Variants in MAX observed in about 807,000 individuals in gnomAD.
MAX encodes MYC associated transcriptional regulator X, also known as protein max.
A neutral mutation model predicts 22.3 loss-of-function variants in MAX; 3 were observed. The observed-to-expected ratio is 0.13, with a 90% confidence interval of 0.06 to 0.35. The LOEUF (loss-of-function observed/expected upper bound fraction) is 0.35. Among genes scored for constraint, MAX ranks in the 10% least tolerant of loss-of-function variants. MAX has a pLI of 1.00. For missense variants in MAX, 119 were observed against 209.4 expected (o/e 0.57, Z 2.66); for synonymous variants, 72 against 77.7 (o/e 0.93, Z 0.39).
chr14:65,012,863 C>T lies in MAX; in HGVS notation c.172-6579G>A, dbSNP rs2061705648. Among the ~76,000 whole-genome samples the T allele has an allele frequency of 6.6e-6, 1 of 152,166 alleles. No individual in the cohort carries two copies. Among genetic ancestry groups the T allele is most frequent in the African/African-American group, 2.4e-5 (1 of 41,440 alleles). ...ACTTTTCATATCTTCATTAAAGAGA[C>T]AAAAAACCCTTTCTTGTAATAAGAT... On this transcript the variant is annotated intron_variant, in intron 3 of 3. Transcript: ENST00000341653. The surrounding 1 kb of genome is among the most constrained non-coding windows in gnomAD (Gnocchi z 5.0).
chr14:65,033,130 T>G (rs1411619322), intron 3 of MAX, among the ~76,000 whole-genome samples: 2 of 152,058 alleles, frequency 1.3e-5, no homozygotes, highest in South Asian at 2.1e-4. Context: ...GATGGGTAAG[T>G]GTGGTATAGT....
chr14:65,044,000 T>C (rs2062418939), intron 3 of MAX, among the ~76,000 whole-genome samples: 1 of 152,198 alleles, frequency 6.6e-6, no homozygotes. Flanking sequence ...AAGGTCTCCT[T>C]ACAAACCAGC....
chr14:65,075,048 T>C (rs1023526097), downstream of MAX: 6 of 1,009,114 alleles, frequency 5.9e-6, no homozygotes, highest in Admixed American at 3.6e-4. The surrounding 1 kb of genome is among the most constrained non-coding windows in gnomAD (Gnocchi z 4.1). Context: ...AGACTTACAT[T>C]GAGGCCCTAA....
rs997670059 is a variant in MAX, at chr14:65,076,358, G to A, written c.*118C>T. 1.3e-6 allele frequency: 2 copies of A among 1,556,122 alleles called. No homozygotes were observed. Among genetic ancestry groups the A allele is most frequent in the South Asian group, 1.2e-5 (1 of 82,362 alleles). On this transcript the variant is annotated 3_prime_UTR_variant, in exon 5 of 5. Transcript: ENST00000358664. This position sits in a 1 kb window ranked among gnomAD's most constrained non-coding sequence, Gnocchi z 6.6. ...TAAAAATAAAAATTTAAAAAAAAAAGGGAGAAAGAGAAAAATAAAGAGTCT... is the reference window on the plus strand; with the variant it reads ...TAAAAATAAAAATTTAAAAAAAAAAAGGAGAAAGAGAAAAATAAAGAGTCT...
chr14:65,046,957 ACAAG>A (rs1334421627), intron 3 of MAX, among the ~76,000 whole-genome samples: 1 of 152,232 alleles, frequency 6.6e-6, no homozygotes, highest in Admixed American at 6.5e-5. Flanking sequence ...TACAAACAAA[ACAAG>A]CAAAAAGGTG....
rs2061693510 is a variant in MAX at position 65,012,172 on chromosome 14, A to G, written c.172-5888T>C. The G allele has an allele frequency of 2.2e-6, 2 of 909,988 alleles. No homozygotes were observed. The highest frequency in any genetic ancestry group is 1.7e-5 in the African/African-American group (1 of 60,006). The allele number at this position is 909,988 out of a possible 1,614,324, so 56.4% of individuals were successfully genotyped here. A position where few individuals can be genotyped will look rare whatever the true frequency, so the allele number is the denominator to read the frequency against. ...TCTGGTTTAGTTGCTCTTTGGAACC[A>G]GAGAAGTTGCTGGTTATCCAGTCAG... On this transcript the variant is annotated intron_variant, in intron 3 of 3. Transcript: ENST00000341653. The surrounding 1 kb of genome is among the most constrained non-coding windows in gnomAD (Gnocchi z 5.0).
At chr14:65,094,819 A>G (rs1205016461) in intron 2 of MAX, among the ~76,000 whole-genome samples, 3 of 152,202 alleles carry the variant, frequency 2.0e-5, no homozygotes, top group Non-Finnish European at 4.4e-5. Flanking sequence ...AGCAAGAAGA[A>G]CTTCATCACA....
At position 65,093,881 on chromosome 14, in the gene MAX, G is replaced by C; in HGVS notation, c.64-66C>G. ...CTTTTGCTTGGTACAAGGTGGGTGG[G>C]GTACAGCCTGGAAGTACACGCTGTC... is the stretch of plus-strand genomic sequence containing the variant. On this transcript the variant is annotated intron_variant, in intron 2 of 4. Transcript: ENST00000358664. This position sits in a 1 kb window ranked among gnomAD's most constrained non-coding sequence, Gnocchi z 4.4. The C allele has an allele frequency of 1.1e-6, 1 of 932,720 alleles. No individual in the cohort carries two copies. Among genetic ancestry groups the C allele is most frequent in the Non-Finnish European group, 1.8e-6 (1 of 558,304 alleles). 57.8% of individuals were successfully genotyped at this position (932,720 alleles called of 1,614,324 possible). A position where few individuals can be genotyped will look rare whatever the true frequency, so the allele number is the denominator to read the frequency against.
intron 2 of MAX, among the ~76,000 whole-genome samples, chr14:65,099,567 A>T (rs1009522267): frequency 2.0e-5 from 3 of 151,932 alleles, no homozygotes; most frequent in Non-Finnish European, 4.4e-5. Flanking sequence ...AACAAAAAAA[A>T]CACAACTTTC....
At chr14:65,081,021 T>C (rs2063186028) in intron 3 of MAX, among the ~76,000 whole-genome samples, 1 of 152,198 alleles carries the variant, frequency 6.6e-6, no homozygotes, top group South Asian at 2.1e-4. Context: ...AGGGTAATTT[T>C]TGGATGAAGA....
chr14:65,092,779 T>G (rs987772156), intron 3 of MAX, among the ~76,000 whole-genome samples: 4 of 152,242 alleles, frequency 2.6e-5, no homozygotes, highest in Admixed American at 2.0e-4. Flanking sequence ...AATTTGATCT[T>G]GGATAACCAA....
chr14:65,095,888 G>A (rs1035107527), intron 2 of MAX, among the ~76,000 whole-genome samples: 1 of 152,200 alleles, frequency 6.6e-6, no homozygotes, highest in African/African-American at 2.4e-5. Flanking sequence ...GAATGAAGTT[G>A]CACTTGGTTT....
rs757073842 is a variant in MAX, at chr14:65,027,412, T to G, written c.172-21128A>C. The G allele has an allele frequency of 2.5e-6, 4 of 1,608,828 alleles. No homozygotes were observed. Among genetic ancestry groups the G allele is most frequent in the South Asian group, 2.2e-5 (2 of 90,446 alleles). On this transcript the variant is annotated intron_variant, in intron 3 of 3. Transcript: ENST00000341653. The surrounding 1 kb of genome is among the most constrained non-coding windows in gnomAD (Gnocchi z 5.7). The stretch of plus-strand genomic sequence containing the variant: ...TGGGAATTTGGTGTTTTGACATGAA[T>G]GCTCTCTGACTTTGTTTTTGCCCTT...
rs1595144103 is a variant in MAX, at chr14:65,084,709, A to G, written c.172-6673T>C. ...AAAGAAACATGCCTAATGACTAAAC[A>G]TGAGCACACTGTATGACCTAGCGAA... On this transcript the variant is annotated intron_variant, in intron 3 of 4. Transcript: ENST00000358664. The surrounding 1 kb of genome is among the most constrained non-coding windows in gnomAD (Gnocchi z 4.3). Among the ~76,000 whole-genome samples the G allele has an allele frequency of 6.6e-6, 1 of 152,354 alleles. No individual in the cohort carries two copies. Among genetic ancestry groups the G allele is most frequent in the East Asian group, 1.9e-4 (1 of 5,192 alleles).
intron 3 of MAX, among the ~76,000 whole-genome samples, chr14:65,033,945 T>C (rs1396668094): frequency 6.6e-6 from 1 of 152,244 alleles, no homozygotes; most frequent in Non-Finnish European, 1.5e-5. Context: ...AAAAAAATTT[T>C]ATTTTTATCA....
At chr14:65,083,376 T>C (rs1278369410) in intron 3 of MAX, among the ~76,000 whole-genome samples, 1 of 152,240 alleles carries the variant, frequency 6.6e-6, no homozygotes, top group African/African-American at 2.4e-5. Flanking sequence ...AAGTCCAAGG[T>C]TATTAAATCT....
intron 3 of MAX, chr14:65,053,292 A>C: frequency 6.8e-7 from 1 of 1,468,606 alleles, no homozygotes; most frequent in Non-Finnish European, 9.1e-7. Context: ...GCCCTGCAGG[A>C]GTACATCCTG....
intron 3 of MAX, among the ~76,000 whole-genome samples, chr14:65,089,119 C>G (rs942643329): frequency 2.0e-5 from 3 of 152,200 alleles, no homozygotes; most frequent in African/African-American, 4.8e-5. Context: ...TTAACCTCTA[C>G]AGCACTCACA....
rs898171364 is a variant in MAX, at chr14:65,035,107, T to G, written c.172-28823A>C. 2.6e-5 allele frequency among the ~76,000 whole-genome samples: 4 copies of G among 152,360 alleles called. No individual in the cohort carries two copies. The East Asian group carries it at 7.7e-4, about 29-fold the overall frequency. On this transcript the variant is annotated intron_variant, in intron 3 of 3. Transcript: ENST00000341653. The stretch of plus-strand genomic sequence containing the variant: ...ATTTTTCTTCTTTGACTTTCCTGTT[T>G]CTGGATTCGTCCTCAGTTTCTGGCA...
Sources: gnomAD v4.1 joint callset for allele counts (sites outside exome capture counted in the v4.1 genomes callset) on GRCh38, gnomAD v4.1.1 for gene constraint, Gnocchi (gnomAD v3.1) non-coding constraint, MANE v1.5 for transcripts, NCBI Gene and HGNC (gene_info 2026-07-23, HGNC 2026-07-21) for gene names.